The following CES2 variants were observed in gnomAD, a reference collection of about 807,000 sequenced individuals.
CES2 encodes carboxylesterase 2, also known as cocaine esterase.
Under a neutral mutation model 52.1 loss-of-function variants are expected in CES2, and 42 were observed. The ratio of observed to expected loss-of-function variants is 0.81; its 90% CI spans 0.63 to 1.04. The LOEUF is 1.04. Ranked by LOEUF, CES2 falls within the 50% of genes least tolerant of loss-of-function variation. CES2 has a pLI of 0.00. For synonymous variants in CES2, 277 were observed against 289.6 expected, an observed-to-expected ratio of 0.96 and a Z score of 0.44; for missense variants, 656 against 724.3, an observed-to-expected ratio of 0.91 and a Z score of 1.08.
intron 2 of CES2, chr16:66,938,463 A>G (rs1220868618): frequency 1.9e-5 from 11 of 579,322 alleles, no homozygotes; most frequent in Non-Finnish European, 3.4e-5. Flanking sequence ...CATTCAGAAG[A>G]CATTGGCTCC....
chr16:66,934,679 T>G, upstream of CES2: 2 of 329,924 alleles, frequency 6.1e-6, no homozygotes, highest in Non-Finnish European at 1.1e-5. The surrounding 1 kb of genome is among the most constrained non-coding windows in gnomAD (Gnocchi z 4.1). Context: ...TCGGAGGTAA[T>G]CCCCACACCG....
rs1213853958 is a variant in CES2, at chr16:66,939,215, A to C, written c.282-2A>C. On this transcript the variant is annotated splice_acceptor_variant, in intron 2 of 11. Transcript: ENST00000317091. LOFTEE classifies it high-confidence loss of function. ...GGACTGATTATTTGCCCTGGTTACC[A>C]GGTGTCTACAGGACCTCACCGCAGT... 1.2e-6 allele frequency: 2 copies of C among 1,612,644 alleles called. No homozygotes were observed. Among genetic ancestry groups the C allele is most frequent in the Non-Finnish European group, 1.7e-6 (2 of 1,179,242 alleles).
At chr16:66,941,466 G>C in intron 6 of CES2, 40 bp from the exon 7 acceptor site, 2 of 1,609,138 alleles carry the variant, frequency 1.2e-6, no homozygotes, top group Non-Finnish European at 1.7e-6. Flanking sequence ...GAAGATGTCT[G>C]GGACCTGACC....
At position 66,944,019 on chromosome 16, in the gene CES2, G is replaced by A. The variant is rs765199164; in HGVS notation, c.1674G>A (p.Glu558=). 6.6e-7 allele frequency: 1 copy of A among 1,516,160 alleles called. No homozygotes were observed. The highest frequency in any genetic ancestry group is 1.2e-5 in the South Asian group (1 of 80,742). The allele number at this position is 1,516,160 out of a possible 1,614,324, so 93.9% of individuals were successfully genotyped here. ...ELEEPEERHT[E]L The stretch of plus-strand genomic sequence containing the variant: ...AGGAGCCTGAAGAGAGACACACAGA[G>A]CTGTAGCTCCCTGTGCCGGGGAGGA... The change falls in exon 12 of 12, where the codon GAG becomes GAA. Residue 558 remains glutamate (E), a synonymous_variant. Coordinates refer to ENST00000317091, the MANE Select transcript of CES2 (RefSeq NM_001365405.1).
Position 66,940,662 on chromosome 16 carries a change from C to A in CES2, c.783C>A (p.Gly261=). 1 of 1,614,218 alleles carries A rather than the reference C, an allele frequency of 6.2e-7. No individual in the cohort carries two copies. Among genetic ancestry groups the A allele is most frequent in the Middle Eastern group, 1.6e-4 (1 of 6,062 alleles). Residue 261 remains glycine, a synonymous_variant, in exon 5 of 12, where the codon GGC becomes GGA. Coordinates refer to ENST00000317091, the MANE Select transcript of CES2 (RefSeq NM_001365405.1). ...AGAGTGGCGTGGCCCTCCTGCCCGG[C>A]CTCATTGCCAGCTCAGCTGATGTCA... The part of the protein sequence containing the change: ...IMESGVALLP[G]LIASSADVIS...
intron 5 of CES2, 51 bp from the exon 6 acceptor site, chr16:66,941,070 ACTC>A: frequency 1.2e-6 from 2 of 1,605,166 alleles, no homozygotes; most frequent in South Asian, 2.2e-5. Context: ...CCTTGGGCAA[ACTC>A]CTCTCCTCTA....
rs140461033 is a variant in CES2 at position 66,938,061 on chromosome 16, G to A, written c.101G>A (p.Arg34Gln). The stretch of plus-strand genomic sequence containing the variant: ...GGCCAGGACTCAGCCAGTCCCATCC[G>A]GACCACACACACGGGGCAGGTGCTG... ...GQGQDSASPI[R>Q]TTHTGQVLGS... The change falls in exon 2 of 12, where the codon CGG (arginine) becomes CAG (glutamine). Residue 34 changes from arginine to glutamine, a missense_variant. Physicochemically the swap from Arg to Gln is conservative, Grantham distance 43. Coordinates refer to ENST00000317091, the MANE Select transcript of CES2 (RefSeq NM_001365405.1). The A allele has an allele frequency of 2.6e-3, 4,248 of 1,614,190 alleles. 13 individuals are homozygous for A. Among genetic ancestry groups the A allele is most frequent in the Non-Finnish European group, 3.2e-3 (3,826 of 1,180,028 alleles).
At chr16:66,942,351 G>T in intron 9 of CES2, 102 bp downstream of exon 9, 3 of 1,240,352 alleles carry the variant, frequency 2.4e-6, no homozygotes, top group South Asian at 1.5e-5. Context: ...ATGTTTATTG[G>T]GCTCCGGGGA....
rs770423168 is a variant in CES2, at chr16:66,935,688, T to G, written c.53T>G (p.Leu18Arg). The G allele has an allele frequency of 1.2e-6, 2 of 1,601,262 alleles. No homozygotes were observed. The highest frequency in any genetic ancestry group is 3.3e-5 in the Admixed American group (2 of 60,024). Reference protein sequence around the residue: ...ARLSAVACGLLLLLVRGQGQD... With the variant: ...ARLSAVACGLRLLLVRGQGQD... ...CTGAGCGCGGTGGCCTGTGGGCTTC[T>G]GCTGCTTCTTGTCCGGGGCCAGGGT... is the stretch of plus-strand genomic sequence containing the variant. Residue 18 changes from leucine (L) to arginine (R), a missense_variant, in exon 1 of 12, where the codon CTG becomes CGG. Leu to Arg is a moderately radical substitution (Grantham distance 102). Transcript: ENST00000317091.
Position 66,935,654 on chromosome 16 carries a change from C to G in CES2, c.19C>G (p.Arg7Gly), listed in dbSNP as rs775866445. The change falls in exon 1 of 12, where the codon CGT (arginine) becomes GGT (glycine). Residue 7 changes from arginine (R) to glycine (G), a missense_variant. Arg to Gly is a moderately radical substitution (Grantham distance 125). Transcript: ENST00000317091. The stretch of plus-strand genomic sequence containing the variant: ...GCCGACCATGCGGCTGCACAGACTT[C>G]GTGCGCGGCTGAGCGCGGTGGCCTG... MRLHRL[R>G]ARLSAVACGL... is the part of the protein sequence containing the mutation. 4 of 1,604,562 alleles carry G rather than the reference C, an allele frequency of 2.5e-6. No homozygotes were observed. The highest frequency in any genetic ancestry group is 3.4e-6 in the Non-Finnish European group (4 of 1,179,888).
In CES2 at chr16:66,940,566, G is replaced by A. The variant is rs150055059; in HGVS notation, c.687G>A (p.Ala229=). Residue 229 remains alanine, a synonymous_variant, in exon 5 of 12, where the codon GCG becomes GCA. Coordinates refer to ENST00000317091, the MANE Select transcript of CES2 (RefSeq NM_001365405.1). ...PDRVTIFGES[A]GGTSVSSLVV... ...GTGTCACCATTTTTGGCGAGTCTGC[G>A]GGTGGCACGAGTGTGTCTTCGCTTG... 3.6e-5 allele frequency: 58 copies of A among 1,614,110 alleles called. No homozygotes were observed. Among genetic ancestry groups the A allele is most frequent in the Non-Finnish European group, 4.0e-5 (47 of 1,180,048 alleles).
chr16:66,936,083 G>A (rs1963207399), intron 1 of CES2: 2 of 1,044,040 alleles, frequency 1.9e-6, no homozygotes, highest in Non-Finnish European at 2.5e-6. Flanking sequence ...GGTAATAACA[G>A]TAATAGCTTC....
intron 8 of CES2, 46 bp from the exon 9 acceptor site, chr16:66,942,059 C>T: frequency 1.3e-6 from 2 of 1,573,806 alleles, no homozygotes; most frequent in Admixed American, 1.8e-5. Flanking sequence ...CCTCCCTGCC[C>T]CTGGCATCCA....
In CES2 at chr16:66,944,204, C is replaced by T. The variant is rs956816386; in HGVS notation, c.*179C>T. The T allele has an allele frequency of 1.7e-4, 71 of 429,572 alleles. No homozygotes were observed. The highest frequency in any genetic ancestry group is 2.3e-4 in the Non-Finnish European group (56 of 242,000). The allele number at this position is 429,572 out of a possible 1,614,324, so 26.6% of individuals were successfully genotyped here. A position where few individuals can be genotyped will look rare whatever the true frequency, so the allele number is the denominator to read the frequency against. On this transcript the variant is annotated 3_prime_UTR_variant, in exon 12 of 12. Coordinates refer to ENST00000317091, the MANE Select transcript of CES2 (RefSeq NM_001365405.1). The stretch of plus-strand genomic sequence containing the variant: ...AAGAATTTACTCAGGCATGATGGCC[C>T]ATACTTGTAATCCCAGCTATTGGGA...
upstream of CES2, chr16:66,934,587 C>T: frequency 1.5e-6 from 1 of 666,458 alleles, no homozygotes; most frequent in South Asian, 2.1e-5. This position sits in a 1 kb window ranked among gnomAD's most constrained non-coding sequence, Gnocchi z 4.1. Context: ...GAGAAGGGAC[C>T]ACGGCGGCGC....
At chr16:66,939,393 G>A in intron 3 of CES2, 35 bp downstream of exon 3, 15 of 1,610,832 alleles carry the variant, frequency 9.3e-6, no homozygotes, top group Non-Finnish European at 1.3e-5. Context: ...GGGGGTTGGA[G>A]GACAGTTCTT....
At chr16:66,936,046 T>C (rs1597003357) in intron 1 of CES2, 2 of 1,249,380 alleles carry the variant, frequency 1.6e-6, no homozygotes, top group East Asian at 8.1e-5. Context: ...CCTCTTATGA[T>C]TGTGGCTGTA....
At chr16:66,938,567 G>A (rs868535526) in intron 2 of CES2, among the ~76,000 whole-genome samples, 2 of 152,186 alleles carry the variant, frequency 1.3e-5, no homozygotes, top group Non-Finnish European at 2.9e-5. Context: ...TCTGGGAAAG[G>A]TTCGGGTTGG....
At chr16:66,934,898 G>C (rs548012760), upstream of CES2, 68 of 160,080 alleles carry the variant, frequency 4.2e-4, no homozygotes, top group Non-Finnish European at 7.4e-4. This position sits in a 1 kb window ranked among gnomAD's most constrained non-coding sequence, Gnocchi z 4.1. Flanking sequence ...GACCATGGCC[G>C]TGGTCTCCGC....
Sources: allele counts gnomAD v4.1 joint callset (sites outside exome capture counted in the v4.1 genomes callset), GRCh38; gene constraint gnomAD v4.1.1; non-coding constraint Gnocchi (gnomAD v3.1); transcripts MANE v1.5; gene names NCBI Gene and HGNC (gene_info 2026-07-23, HGNC 2026-07-21).